The following ARK2C variants were observed in gnomAD, a reference collection of about 807,000 sequenced individuals.
ARK2C encodes arkadia (RNF111) C-terminal like ring finger ubiquitin ligase 2C.
chr18:46,399,559 C>T, the ARK2C span, among the ~76,000 whole-genome samples: 1 of 152,104 alleles, frequency 6.6e-6, no homozygotes, highest in Non-Finnish European at 1.5e-5. Flanking sequence ...GATGAGTGGA[C>T]TTTGATGGGA....
chr18:46,444,192 T>G, the ARK2C span, among the ~76,000 whole-genome samples: 1 of 152,144 alleles, frequency 6.6e-6, no homozygotes, highest in African/African-American at 2.4e-5. Context: ...CCTGTCTTTA[T>G]TACTATTTTT....
At chr18:46,378,074 A>C in the ARK2C span, among the ~76,000 whole-genome samples, 1 of 152,298 alleles carries the variant, frequency 6.6e-6, no homozygotes, top group Admixed American at 6.5e-5. Context: ...AAATGAGGCC[A>C]GTGGAAGTTG....
the ARK2C span, chr18:46,461,748 T>C: frequency 6.6e-6 from 1 of 152,064 alleles, no homozygotes; most frequent in Non-Finnish European, 1.5e-5. Flanking sequence ...AGCTGAGAAT[T>C]TGAGCTTGCT....
At chr18:46,394,033 C>T in the ARK2C span, among the ~76,000 whole-genome samples, 2 of 152,212 alleles carry the variant, frequency 1.3e-5, no homozygotes, top group Non-Finnish European at 2.9e-5. Context: ...TAGGTAACCC[C>T]AACCTTCCCT....
the ARK2C span, among the ~76,000 whole-genome samples, chr18:46,394,617 A>G: frequency 3.3e-5 from 5 of 152,236 alleles, no homozygotes; most frequent in African/African-American, 1.2e-4. Context: ...CAAATGGAAT[A>G]CAGTTTCCCC....
chr18:46,445,062 G>A, the ARK2C span, among the ~76,000 whole-genome samples: 1 of 151,394 alleles, frequency 6.6e-6, no homozygotes, highest in Non-Finnish European at 1.5e-5. Flanking sequence ...CCTGATTCTG[G>A]GACATATTAT....
At chr18:46,414,678 G>T in the ARK2C span, among the ~76,000 whole-genome samples, 5 of 152,082 alleles carry the variant, frequency 3.3e-5, no homozygotes, top group Non-Finnish European at 5.9e-5. Context: ...ACAGATGCAC[G>T]CTCACAGACA....
chr18:46,422,454 C>T, the ARK2C span, among the ~76,000 whole-genome samples: 1 of 152,208 alleles, frequency 6.6e-6, no homozygotes. Context: ...AGAGGAGGCT[C>T]CCTGGGGGCC....
chr18:46,454,393 C>G, the ARK2C span, among the ~76,000 whole-genome samples: 1 of 152,130 alleles, frequency 6.6e-6, no homozygotes, highest in Non-Finnish European at 1.5e-5. Context: ...GGCAGATCAT[C>G]ATGACTCTAT....
chr18:46,346,703 C>T, the ARK2C span, among the ~76,000 whole-genome samples: 2 of 152,138 alleles, frequency 1.3e-5, no homozygotes, highest in Admixed American at 6.5e-5. Flanking sequence ...GTACGAGACA[C>T]CCGAAATCCT....
At chr18:46,391,489 T>C in the ARK2C span, among the ~76,000 whole-genome samples, 2 of 152,110 alleles carry the variant, frequency 1.3e-5, no homozygotes, top group African/African-American at 2.4e-5. Flanking sequence ...TCCTCATCCG[T>C]CATGTGTGTT....
At chr18:46,401,628 C>T in the ARK2C span, among the ~76,000 whole-genome samples, 1 of 152,204 alleles carries the variant, frequency 6.6e-6, no homozygotes. Context: ...TCACTCCCTC[C>T]TGTGATCTTC....
At chr18:46,446,463 G>T in the ARK2C span, among the ~76,000 whole-genome samples, 2 of 151,862 alleles carry the variant, frequency 1.3e-5, no homozygotes, top group Non-Finnish European at 2.9e-5. Context: ...TTGAAGTCAG[G>T]AGTTCAAGAC....
the ARK2C span, among the ~76,000 whole-genome samples, chr18:46,405,129 C>G: frequency 1.3e-5 from 2 of 152,068 alleles, no homozygotes; most frequent in African/African-American, 2.4e-5. Context: ...TTATTTTCAA[C>G]ATGTCTATGG....
At chr18:46,396,824 G>T in the ARK2C span, among the ~76,000 whole-genome samples, 1 of 152,228 alleles carries the variant, frequency 6.6e-6, no homozygotes, top group Non-Finnish European at 1.5e-5. Flanking sequence ...GCGTGGTGGG[G>T]CCCTGTCTCT....
At chr18:46,405,686 T>C in the ARK2C span, among the ~76,000 whole-genome samples, 1 of 152,028 alleles carries the variant, frequency 6.6e-6, no homozygotes, top group African/African-American at 2.4e-5. Context: ...GCCCGGTAAA[T>C]GGACTTGATT....
chr18:46,446,558 C>T, the ARK2C span, among the ~76,000 whole-genome samples: 1 of 150,276 alleles, frequency 6.7e-6, no homozygotes, highest in Non-Finnish European at 1.5e-5. Context: ...GTAGTCCCAG[C>T]TACTTGGGTG....
At chr18:46,441,901 A>G in the ARK2C span, among the ~76,000 whole-genome samples, 2 of 149,808 alleles carry the variant, frequency 1.3e-5, no homozygotes, top group Non-Finnish European at 3.0e-5. Flanking sequence ...GCGGTGGCTC[A>G]CGCCTGTAAT....
chr18:46,375,275 G>A, the ARK2C span, among the ~76,000 whole-genome samples: 7 of 152,034 alleles, frequency 4.6e-5, no homozygotes, highest in South Asian at 4.2e-4. Flanking sequence ...TGTCCTGGCC[G>A]GGCACAGTGG....
Sources: allele counts gnomAD v4.1 joint callset (sites outside exome capture counted in the v4.1 genomes callset), GRCh38; gene constraint gnomAD v4.1.1; transcripts MANE v1.5; gene names NCBI Gene and HGNC (gene_info 2026-07-23, HGNC 2026-07-21).